Variants in FMO3 observed in about 807,000 individuals in gnomAD.
FMO3 encodes the protein flavin containing dimethylaniline monoxygenase 3.
A neutral mutation model predicts 39.4 loss-of-function variants in FMO3; 40 were observed. The ratio of observed to expected loss-of-function variants is 1.02; its 90% CI spans 0.79 to 1.32. The LOEUF is 1.32. Among genes scored for constraint, FMO3 ranks in the 40% most tolerant of loss-of-function variants. The pLI is 0.00. For missense variants in FMO3, 680 were observed against 651.8 expected, an observed-to-expected ratio of 1.04 and a Z score of -0.47; for synonymous variants, 219 against 228.8, an observed-to-expected ratio of 0.96 and a Z score of 0.39.
intron 2 of FMO3, 29 bp from the exon 3 acceptor site, chr1:171,103,756 C>A: frequency 1.9e-6 from 3 of 1,563,602 alleles, no homozygotes; most frequent in Non-Finnish European, 2.6e-6. Context: ...TTTACCAATT[C>A]GCTTCCATTT....
At position 171,114,113 on chromosome 1, in the gene FMO3, A is replaced by T; in HGVS notation, c.934A>T (p.Ile312Phe). ...NVKEFTETSA[I>F]FEDGTIFEGI... ...GAAGGAATTCACAGAGACCTCGGCC[A>T]TTTTTGAGGATGGGACCATATTTGA... The change falls in exon 7 of 9, where the codon ATT becomes TTT. Residue 312 changes from isoleucine (I) to phenylalanine (F), a missense_variant. Transcript: ENST00000367755. 3 of 1,613,932 alleles carry T rather than the reference A, an allele frequency of 1.9e-6. No homozygotes were observed. The highest frequency in any genetic ancestry group is 1.7e-6 in the Non-Finnish European group (2 of 1,179,858).
At position 171,117,340 on chromosome 1, in the gene FMO3, A is replaced by C; in HGVS notation, c.1497A>C (p.Thr499=). The C allele has an allele frequency of 6.2e-7, 1 of 1,613,700 alleles. No homozygotes were observed. The highest frequency in any genetic ancestry group is 8.5e-7 in the Non-Finnish European group (1 of 1,179,712). The stretch of plus-strand genomic sequence containing the variant: ...ACCGGTCGTTGAAACCCATGCAGAC[A>C]CGAGTGGTCGGGAGACTTCAGAAGC... ...QWDRSLKPMQ[T]RVVGRLQKPC... The change falls in exon 9 of 9, where the codon ACA becomes ACC. Residue 499 remains threonine, a synonymous_variant. Transcript: ENST00000367755.
At chr1:171,113,907 A>AG in intron 6 of FMO3, 100 bp from the exon 7 acceptor site, 1 of 841,802 alleles carries the variant, frequency 1.2e-6, no homozygotes, top group South Asian at 1.9e-5. Flanking sequence ...GAAAAAAAAA[A>AG]TCTTGGGTCA....
At chr1:171,093,305 C>T (rs1557930698) in intron 2 of FMO3, among the ~76,000 whole-genome samples, 1 of 152,108 alleles carries the variant, frequency 6.6e-6, no homozygotes, top group East Asian at 1.9e-4. Context: ...TCTCCAATGT[C>T]TATTATTCCC....
chr1:171,092,893 CAT>C (rs1654780394), intron 2 of FMO3, 103 bp downstream of exon 2: 6 of 1,240,940 alleles, frequency 4.8e-6, no homozygotes, highest in Non-Finnish European at 4.6e-6. Context: ...TGGCAGTTAT[CAT>C]ATCTGTTAGA....
intron 2 of FMO3, 59 bp from the exon 3 acceptor site, chr1:171,103,726 G>T: frequency 7.1e-7 from 1 of 1,410,232 alleles, no homozygotes; most frequent in South Asian, 1.2e-5. Context: ...AACCAGCCCT[G>T]ACCATGATCA....
chr1:171,113,903 A>G (rs1656021255), intron 6 of FMO3, 104 bp from the exon 7 acceptor site: 1 of 810,750 alleles, frequency 1.2e-6, no homozygotes, highest in African/African-American at 1.8e-5. Flanking sequence ...CTCAGAAAAA[A>G]AAAATCTTGG....
chr1:171,092,652 G>A lies in FMO3; in HGVS notation c.-6-1G>A. ...GAAATGTTCTCTGGGCCTTTGCACA[G>A]GTTACCATGGGGAAGAAAGTGGCCA... On this transcript the variant is annotated splice_acceptor_variant, in intron 1 of 8. Coordinates refer to ENST00000367755, the MANE Select transcript of FMO3 (RefSeq NM_001002294.3). LOFTEE classifies it low-confidence loss of function (5UTR_SPLICE). The A allele has an allele frequency of 6.2e-7, 1 of 1,614,178 alleles. No individual in the cohort carries two copies. Among genetic ancestry groups the A allele is most frequent in the Non-Finnish European group, 8.5e-7 (1 of 1,180,008 alleles).
At chr1:171,103,705 T>C in intron 2 of FMO3, 80 bp from the exon 3 acceptor site, 2 of 1,182,326 alleles carry the variant, frequency 1.7e-6, no homozygotes, top group Non-Finnish European at 2.5e-6. Context: ...GGGATGACTG[T>C]AATTACTTGG....
At chr1:171,111,106 T>C (rs541938727) in intron 6 of FMO3, 109 bp downstream of exon 6, 1 of 859,488 alleles carries the variant, frequency 1.2e-6, no homozygotes, top group South Asian at 1.4e-5. Context: ...TCACAACTCA[T>C]ATATCAGAAG....
intron 5 of FMO3, among the ~76,000 whole-genome samples, chr1:171,108,896 C>T (rs1026267627): frequency 3.3e-5 from 5 of 152,062 alleles, no homozygotes; most frequent in Non-Finnish European, 7.4e-5. Flanking sequence ...AGAACCAGTC[C>T]TTGAACAATA....
At chr1:171,094,563 T>C (rs1214198399) in intron 2 of FMO3, among the ~76,000 whole-genome samples, 2 of 152,210 alleles carry the variant, frequency 1.3e-5, no homozygotes, top group African/African-American at 4.8e-5. Flanking sequence ...CTAGAATTTT[T>C]ATAGTTTCAG....
chr1:171,095,802 A>C (rs1188796890), intron 2 of FMO3, among the ~76,000 whole-genome samples: 2 of 121,780 alleles, frequency 1.6e-5, no homozygotes, highest in Non-Finnish European at 3.4e-5. Context: ...AAAAAATATA[A>C]ATATATATTT....
At chr1:171,109,394 G>A (rs902217049) in intron 5 of FMO3, among the ~76,000 whole-genome samples, 14 of 151,884 alleles carry the variant, frequency 9.2e-5, no homozygotes, top group African/African-American at 3.4e-4. Context: ...AGCTTCTTGG[G>A]TTTAGGAAAT....
At position 171,116,257 on chromosome 1, in the gene FMO3, GA is replaced by G; in HGVS notation, c.1237del (p.Met413TrpfsTer75). 1 of 1,599,610 alleles carries G rather than the reference GA, an allele frequency of 6.3e-7. No homozygotes were observed. Among genetic ancestry groups the G allele is most frequent in the Non-Finnish European group, 8.6e-7 (1 of 1,167,482 alleles). On this transcript the variant is annotated frameshift_variant, in exon 8 of 9. Coordinates refer to ENST00000367755, the MANE Select transcript of FMO3 (RefSeq NM_001002294.3). LOFTEE classifies it low-confidence loss of function (END_TRUNC). ...MEDMMNDINE[K>X]MEKKRKWFGK... ...AAGACATGATGAATGATATTAATGA[GA>G]AAATGGAGAAAAAGCGCAAATGGTA... is the stretch of plus-strand genomic sequence containing the variant.
intron 2 of FMO3, among the ~76,000 whole-genome samples, chr1:171,093,490 G>A (rs1048039218): frequency 7.2e-6 from 1 of 139,210 alleles, no homozygotes; most frequent in Non-Finnish European, 1.5e-5. Context: ...AGTATTCCAT[G>A]GTGTGTGCAT....
chr1:171,107,897 G>T, intron 4 of FMO3, 60 bp downstream of exon 4: 1 of 1,532,890 alleles, frequency 6.5e-7, no homozygotes, highest in East Asian at 2.2e-5. Flanking sequence ...TCTTGATAAT[G>T]TCTTCTTTTT....
In FMO3 at chr1:171,096,047, TAAATATATAATATATA is replaced by T. The variant is rs1557933111; in HGVS notation, c.132+3258_132+3273del. The stretch of plus-strand genomic sequence containing the variant: ...ATTAATATATAATATATATTATATA[TAAATATATAATATATA>T]TTATATATTAATATATAATATATAT... On this transcript the variant is annotated intron_variant, in intron 2 of 8. Transcript: ENST00000367755. 2.5e-3 allele frequency among the ~76,000 whole-genome samples: 145 copies of T among 57,066 alleles called. 2 individuals are homozygous for T. Among genetic ancestry groups the T allele is most frequent in the African/African-American group, 0.016 (135 of 8,554 alleles). The allele number at this position is 57,066 out of a possible 152,430, so 37.4% of individuals were successfully genotyped here.
chr1:171,092,935 G>A, intron 2 of FMO3, 145 bp downstream of exon 2: 2 of 917,296 alleles, frequency 2.2e-6, no homozygotes, highest in Non-Finnish European at 1.7e-6. Context: ...AGTGTCAAGA[G>A]CAGGTTGGAA....
Sources: gnomAD v4.1 joint callset for allele counts (sites outside exome capture counted in the v4.1 genomes callset) on GRCh38, gnomAD v4.1.1 for gene constraint, MANE v1.5 for transcripts, NCBI Gene and HGNC (gene_info 2026-07-23, HGNC 2026-07-21) for gene names.